Variants in DDX60 observed in about 807,000 individuals in gnomAD.
DDX60 encodes the protein probable ATP-dependent RNA helicase DDX60.
DDX60 carries 165 observed loss-of-function variants against 212.8 expected under a neutral mutation model. The observed-to-expected ratio is 0.78, with a 90% CI of 0.68 to 0.88. DDX60 has a LOEUF of 0.88. DDX60 is among the 40% of genes least tolerant of loss of function. DDX60 has a pLI of 0.00. For synonymous variants in DDX60, 703 were observed against 685.3 expected (o/e 1.03, Z -0.40); for missense variants, 1,905 against 2,003.9 (o/e 0.95, Z 0.94).
Position 168,251,062 on chromosome 4 carries a change from A to T in DDX60, c.3750T>A (p.Gly1250=). 6.2e-7 allele frequency: 1 copy of T among 1,613,566 alleles called. No individual in the cohort carries two copies. The highest frequency in any genetic ancestry group is 8.5e-7 in the Non-Finnish European group (1 of 1,179,844). ...VFGRVKFERK[G]EELKALAERG... ...TTTCTGCCAAGGCTTTCAATTCTTC[A>T]CCTTTTCTTTCAAATTTTACTCGAC... The change falls in exon 28 of 38, where the codon GGT becomes GGA. Residue 1250 remains glycine, a synonymous_variant. Coordinates refer to ENST00000393743, the MANE Select transcript of DDX60 (RefSeq NM_017631.6).
chr4:168,224,290 A>T lies in DDX60; in HGVS notation c.4777T>A (p.Ser1593Thr). The T allele has an allele frequency of 6.2e-7, 1 of 1,612,580 alleles. No individual in the cohort carries two copies. Among genetic ancestry groups the T allele is most frequent in the Non-Finnish European group, 8.5e-7 (1 of 1,179,024 alleles). The change falls in exon 35 of 38, where the codon TCT becomes ACT. Residue 1593 changes from serine to threonine, a missense_variant. Coordinates refer to ENST00000393743, the MANE Select transcript of DDX60 (RefSeq NM_017631.6). The stretch of plus-strand genomic sequence containing the variant: ...AGCAAATCATCATCAAAGTTCCCAG[A>T]CAGACAAACAAATGGTGAAATTGCT... ...RVAISPFVCLSGNFDDDLLRL... is the reference protein window; with the variant it reads ...RVAISPFVCLTGNFDDDLLRL...
intron 10 of DDX60, among the ~76,000 whole-genome samples, chr4:168,285,969 T>TGAAAGAAAGAAAGAAAGAAAGAAA (rs149956197): frequency 9.0e-6 from 1 of 110,910 alleles, no homozygotes; most frequent in Non-Finnish European, 1.8e-5. Context: ...AAGGAAAGAA[T>TGAAAGAAAGAAAGAAAGAAAGAAA]GAAAGAAAGA....
At chr4:168,304,640 G>A (rs1426541095) in intron 5 of DDX60, among the ~76,000 whole-genome samples, 1 of 152,112 alleles carries the variant, frequency 6.6e-6, no homozygotes, top group Non-Finnish European at 1.5e-5. Flanking sequence ...CGTGGAAGCT[G>A]CAGTGAGCTG....
At chr4:168,291,529 T>C (rs1423414352) in intron 8 of DDX60, among the ~76,000 whole-genome samples, 1 of 152,064 alleles carries the variant, frequency 6.6e-6, no homozygotes, top group Admixed American at 6.5e-5. Flanking sequence ...AAAGGAAAAA[T>C]AGAGAGGCTT....
intron 3 of DDX60, among the ~76,000 whole-genome samples, chr4:168,310,233 G>T (rs1024030010): frequency 9.9e-5 from 15 of 152,024 alleles, no homozygotes; most frequent in Non-Finnish European, 2.1e-4. Flanking sequence ...CTTTAATTCA[G>T]CCTTTAGATC....
At chr4:168,285,286 A>G in intron 11 of DDX60, 107 bp downstream of exon 11, 1 of 715,620 alleles carries the variant, frequency 1.4e-6, no homozygotes, top group Non-Finnish European at 2.3e-6. Context: ...TTACAAACAC[A>G]TACTACATGT....
intron 6 of DDX60, among the ~76,000 whole-genome samples, chr4:168,299,853 T>G (rs536316188): frequency 3.7e-4 from 56 of 152,232 alleles, no homozygotes; most frequent in Middle Eastern, 3.4e-3. Context: ...CACAGGAGAT[T>G]TCTATCAAAT....
chr4:168,265,289 A>G (rs1262398054), intron 22 of DDX60, among the ~76,000 whole-genome samples: 2 of 152,120 alleles, frequency 1.3e-5, no homozygotes, highest in African/African-American at 2.4e-5. Context: ...ATAGTTTATT[A>G]TGTTTTTTTC....
chr4:168,237,252 C>T, intron 32 of DDX60, 34 bp downstream of exon 32: 1 of 1,373,334 alleles, frequency 7.3e-7, no homozygotes, highest in East Asian at 2.8e-5. Flanking sequence ...TTTGGACTCT[C>T]TCTCTACATA....
At chr4:168,305,038 T>G (rs893085714) in intron 5 of DDX60, among the ~76,000 whole-genome samples, 3 of 152,188 alleles carry the variant, frequency 2.0e-5, no homozygotes, top group Middle Eastern at 3.4e-3. Context: ...TTATACCATT[T>G]TCAAATGTAC....
At chr4:168,227,307 C>A (rs1234327346) in intron 33 of DDX60, among the ~76,000 whole-genome samples, 1 of 150,666 alleles carries the variant, frequency 6.6e-6, no homozygotes, top group African/African-American at 2.4e-5. Context: ...GTTGTATTTT[C>A]TAGGAATTTG....
At position 168,288,024 on chromosome 4, in the gene DDX60, C is replaced by A. The variant is rs1735935423; in HGVS notation, c.1183+150G>T. 6.6e-6 allele frequency: 3 copies of A among 454,490 alleles called. No individual in the cohort carries two copies. In the South Asian group the frequency reaches 1.5e-4, roughly 22 times the overall value. The allele number at this position is 454,490 out of a possible 1,614,324, so 28.2% of individuals were successfully genotyped here. A position where few individuals can be genotyped will look rare whatever the true frequency, so the allele number is the denominator to read the frequency against. ...TAAAATACAGCATTCCCTCTAATTG[C>A]AACTAAAATATTACATACAAATGTG... On this transcript the variant is annotated intron_variant, in intron 9 of 37. Transcript: ENST00000393743.
At chr4:168,284,722 A>G in intron 12 of DDX60, 98 bp downstream of exon 12, 1 of 581,014 alleles carries the variant, frequency 1.7e-6, no homozygotes, top group Non-Finnish European at 2.8e-6. Context: ...TTCATTCAAA[A>G]AAATTTAATT....
rs984276238 is a variant in DDX60, at chr4:168,302,371, A to G, written c.652T>C (p.Leu218=). The G allele has an allele frequency of 1.9e-6, 3 of 1,591,778 alleles. No individual in the cohort carries two copies. Among genetic ancestry groups the G allele is most frequent in the Non-Finnish European group, 2.6e-6 (3 of 1,169,706 alleles). ...KDAYTTLLNQ[L]ERFKLSALAP... ...AATGCTGAAAGCTTAAATCTTTCCA[A>G]CTGGTTAAGCAGGGTTGTATAAGCA... Residue 218 remains leucine (L), a synonymous_variant, in exon 6 of 38, where the codon TTG becomes CTG. Coordinates refer to ENST00000393743, the MANE Select transcript of DDX60 (RefSeq NM_017631.6).
At chr4:168,256,017 G>T in intron 25 of DDX60, 148 bp from the exon 26 acceptor site, 1 of 769,280 alleles carries the variant, frequency 1.3e-6, no homozygotes, top group Non-Finnish European at 1.9e-6. Flanking sequence ...TGCACACCAG[G>T]TGTTCTGAAT....
intron 10 of DDX60, among the ~76,000 whole-genome samples, chr4:168,286,432 A>ACACCACAC (rs1560859715): frequency 8.7e-5 from 5 of 57,706 alleles, no homozygotes; most frequent in African/African-American, 4.1e-4. Flanking sequence ...CGAGATAGAT[A>ACACCACAC]GATAGATAGA....
At chr4:168,300,580 A>G (rs1736605272) in intron 6 of DDX60, among the ~76,000 whole-genome samples, 1 of 146,310 alleles carries the variant, frequency 6.8e-6, no homozygotes, top group Admixed American at 6.8e-5. Context: ...TAACACCAGA[A>G]TGTGTGTGTG....
At chr4:168,301,468 G>A (rs1486474453) in intron 6 of DDX60, among the ~76,000 whole-genome samples, 4 of 152,114 alleles carry the variant, frequency 2.6e-5, no homozygotes, top group East Asian at 3.9e-4. Flanking sequence ...GAACACAAGC[G>A]CCAACCTAAA....
intron 30 of DDX60, among the ~76,000 whole-genome samples, chr4:168,240,826 T>C (rs12510170): frequency 0.17 from 25,810 of 152,004 alleles, 3,816 homozygotes; most frequent in African/African-American, 0.39. Flanking sequence ...CACCCCAAAA[T>C]TATAAAAATT....
Sources: allele counts gnomAD v4.1 joint callset (sites outside exome capture counted in the v4.1 genomes callset), GRCh38; gene constraint gnomAD v4.1.1; transcripts MANE v1.5; gene names NCBI Gene and HGNC (gene_info 2026-07-23, HGNC 2026-07-21).